Variants in UBR2 observed in about 807,000 individuals in gnomAD.
The protein encoded by UBR2 is E3 ubiquitin-protein ligase UBR2.
Under a neutral mutation model 247.9 loss-of-function variants are expected in UBR2, and 92 were observed. That is an observed-to-expected ratio of 0.37 (90% CI 0.31 to 0.44). The LOEUF is 0.44. UBR2 is among the 20% of genes least tolerant of loss of function. The pLI, the probability that UBR2 is intolerant of heterozygous loss-of-function variation, is 1.00. For synonymous variants in UBR2, 672 were observed against 693.5 expected (o/e 0.97, Z 0.49); for missense variants, 1,613 against 2,112.6 (o/e 0.76, Z 4.64).
intron 25 of UBR2, among the ~76,000 whole-genome samples, chr6:42,653,537 TCTA>T (rs1459204298): frequency 6.6e-6 from 1 of 150,920 alleles, no homozygotes; most frequent in Non-Finnish European, 1.5e-5. Flanking sequence ...CCCATATTAA[TCTA>T]CTAAGTGATA....
intron 11 of UBR2, among the ~76,000 whole-genome samples, chr6:42,622,909 A>G (rs1299315601): frequency 6.8e-6 from 1 of 146,528 alleles, no homozygotes; most frequent in African/African-American, 2.5e-5. Context: ...TCAAGCTATC[A>G]TCCTGCCTCA....
rs777009775 is a variant in UBR2, at chr6:42,606,584, T to A, written c.802-5T>A. On this transcript the variant is annotated splice_region_variant and splice_polypyrimidine_tract_variant and intron_variant, in intron 6 of 46. Coordinates refer to ENST00000372901, the MANE Select transcript of UBR2 (RefSeq NM_001363705.2). ...TTTACAGCTTAATTTTAAATATCTT[T>A]ACAGGGGCGTAGGTCTGTTCGATAT... The A allele has an allele frequency of 1.2e-6, 2 of 1,609,628 alleles. No homozygotes were observed. Among genetic ancestry groups the A allele is most frequent in the Non-Finnish European group, 1.7e-6 (2 of 1,177,922 alleles).
chr6:42,612,936 A>G (rs1179204469), intron 8 of UBR2, among the ~76,000 whole-genome samples: 1 of 152,126 alleles, frequency 6.6e-6, no homozygotes, highest in African/African-American at 2.4e-5. Context: ...CCTCATCTCT[A>G]CTAAAAATAC....
chr6:42,591,177 AAG>A, intron 2 of UBR2, among the ~76,000 whole-genome samples: 1 of 152,152 alleles, frequency 6.6e-6, no homozygotes, highest in African/African-American at 2.4e-5. Flanking sequence ...GCTTGAGTCC[AAG>A]AGGTTGAGGC....
At chr6:42,631,083 C>T (rs1402545632) in intron 11 of UBR2, among the ~76,000 whole-genome samples, 1 of 152,184 alleles carries the variant, frequency 6.6e-6, no homozygotes, top group Non-Finnish European at 1.5e-5. Flanking sequence ...GCGTTACAGA[C>T]GTGAGCTACT....
chr6:42,644,549 T>G lies in UBR2; in HGVS notation c.2284+13T>G, dbSNP rs1394558473. ...ATAATGCTTGTTGGTAAGTTTAAAT[T>G]GTTTGAGGCATTTAATAAATTACAC... On this transcript the variant is annotated intron_variant, in intron 20 of 46. Transcript: ENST00000372901. 4.4e-6 allele frequency: 7 copies of G among 1,598,462 alleles called. No individual in the cohort carries two copies. The highest frequency in any genetic ancestry group is 6.0e-6 in the Non-Finnish European group (7 of 1,171,460).
intron 7 of UBR2, among the ~76,000 whole-genome samples, chr6:42,611,848 G>A (rs1199196147): frequency 2.6e-5 from 4 of 151,088 alleles, no homozygotes; most frequent in East Asian, 2.0e-4. Flanking sequence ...TGGAGGTTGC[G>A]GTGAGCCGAG....
At chr6:42,618,821 C>G (rs187973897) in intron 11 of UBR2, among the ~76,000 whole-genome samples, 1 of 152,130 alleles carries the variant, frequency 6.6e-6, no homozygotes, top group Non-Finnish European at 1.5e-5. Flanking sequence ...TCTACAGAAC[C>G]GGCCAAGTGG....
chr6:42,656,227 T>G (rs1036173854), intron 26 of UBR2, among the ~76,000 whole-genome samples: 2 of 152,222 alleles, frequency 1.3e-5, no homozygotes, highest in Non-Finnish European at 2.9e-5. Flanking sequence ...AAGAAAAGCT[T>G]CTCATTTACT....
chr6:42,628,162 G>A (rs1795472448), intron 11 of UBR2, among the ~76,000 whole-genome samples: 1 of 151,870 alleles, frequency 6.6e-6, no homozygotes, highest in Non-Finnish European at 1.5e-5. Flanking sequence ...CAGCTCTCTA[G>A]TGATTTCAAA....
chr6:42,644,478 T>G lies in UBR2; in HGVS notation c.2226T>G (p.Val742=), dbSNP rs1796637524. The G allele has an allele frequency of 1.2e-6, 2 of 1,611,918 alleles. No individual in the cohort carries two copies. The highest frequency in any genetic ancestry group is 2.2e-5 in the South Asian group (2 of 90,980). ...TCTTCCCTCACTTGTTATAGGATGTTGTTCAGCAGAACAATACTCTAATAG... is the reference window on the plus strand; with the variant it reads ...TCTTCCCTCACTTGTTATAGGATGTGGTTCAGCAGAACAATACTCTAATAG... ...RFSSEITHKD[V]VQQNNTLIEE... is the part of the protein sequence containing the mutation. The change falls in exon 20 of 47, where the codon GTT becomes GTG. Residue 742 remains valine, a synonymous_variant. Coordinates refer to ENST00000372901, the MANE Select transcript of UBR2 (RefSeq NM_001363705.2).
chr6:42,564,160 T>G lies in UBR2; in HGVS notation c.-160T>G. On this transcript the variant is annotated 5_prime_UTR_variant, in exon 1 of 47. Coordinates refer to ENST00000372901, the MANE Select transcript of UBR2 (RefSeq NM_001363705.2). ...GGAGGCCGCTGTCCTTCCTTTCCGG[T>G]TCACGTCACCCTTCTCTCCCTCTGT... The G allele has an allele frequency of 1.3e-6, 1 of 767,416 alleles. No individual in the cohort carries two copies. Among genetic ancestry groups the G allele is most frequent in the Non-Finnish European group, 2.0e-6 (1 of 489,076 alleles). The allele number at this position is 767,416 out of a possible 1,614,324, so 47.5% of individuals were successfully genotyped here.
intron 37 of UBR2, 54 bp downstream of exon 37, chr6:42,673,941 G>T: frequency 6.8e-7 from 1 of 1,461,650 alleles, no homozygotes; most frequent in Non-Finnish European, 9.5e-7. Context: ...CTGAAATTTT[G>T]TTTTTAATGG....
chr6:42,581,699 G>A (rs1791914833), intron 2 of UBR2, among the ~76,000 whole-genome samples: 1 of 152,202 alleles, frequency 6.6e-6, no homozygotes, highest in African/African-American at 2.4e-5. Context: ...ATGTCTGTCA[G>A]ATTTATCCAT....
At chr6:42,663,943 G>A (rs1797966602) in intron 32 of UBR2, among the ~76,000 whole-genome samples, 1 of 152,120 alleles carries the variant, frequency 6.6e-6, no homozygotes. Context: ...AGGATCATTT[G>A]AGCCCAGGAG....
chr6:42,628,473 G>A (rs2151948091), intron 11 of UBR2, among the ~76,000 whole-genome samples: 1 of 152,244 alleles, frequency 6.6e-6, no homozygotes, highest in East Asian at 1.9e-4. Context: ...TGTAATCCCA[G>A]CACTTTGGGA....
chr6:42,642,372 G>C, intron 17 of UBR2, 44 bp from the exon 18 acceptor site: 2 of 1,375,480 alleles, frequency 1.5e-6, no homozygotes, highest in Non-Finnish European at 2.0e-6. Context: ...GAGAGCCTGA[G>C]CCAATAAAAA....
At chr6:42,651,791 C>T (rs1445046661) in intron 23 of UBR2, among the ~76,000 whole-genome samples, 1 of 152,046 alleles carries the variant, frequency 6.6e-6, no homozygotes, top group Non-Finnish European at 1.5e-5. Context: ...ACGCCCCGGC[C>T]TCTGTTGTGT....
Position 42,652,585 on chromosome 6 carries a change from A to T in UBR2, c.2709A>T (p.Thr903=). ...ATGTCATGTTGTGCATCATGGGAACAATTCTGCAATGGGCTGTGGAACATA... is the reference window on the plus strand; with the variant it reads ...ATGTCATGTTGTGCATCATGGGAACTATTCTGCAATGGGCTGTGGAACATA... The part of the protein sequence containing the change: ...QSDVMLCIMG[T]ILQWAVEHNG... Residue 903 remains threonine, a synonymous_variant, in exon 25 of 47, where the codon ACA becomes ACT. Coordinates refer to ENST00000372901, the MANE Select transcript of UBR2 (RefSeq NM_001363705.2). 1 of 1,613,934 alleles carries T rather than the reference A, an allele frequency of 6.2e-7. No individual in the cohort carries two copies. Among genetic ancestry groups the T allele is most frequent in the Non-Finnish European group, 8.5e-7 (1 of 1,179,996 alleles).
Sources: allele counts gnomAD v4.1 joint callset (sites outside exome capture counted in the v4.1 genomes callset), GRCh38; gene constraint gnomAD v4.1.1; transcripts MANE v1.5; gene names NCBI Gene and HGNC (gene_info 2026-07-23, HGNC 2026-07-21).